Variants in ZC3H12B observed in about 807,000 individuals in gnomAD.
ZC3H12B encodes the protein zinc finger CCCH-type containing 12B.
ZC3H12B carries 7 observed loss-of-function variants against 43.9 expected under a neutral mutation model. The observed-to-expected ratio is 0.16, with a 90% CI of 0.09 to 0.30. The LOEUF is 0.30. ZC3H12B is among the 10% of genes least tolerant of loss of function. ZC3H12B has a pLI of 1.00. For synonymous variants in ZC3H12B, 222 were observed against 241.7 expected, an observed-to-expected ratio of 0.92 and a Z score of 0.76; for missense variants, 475 against 670.2, an observed-to-expected ratio of 0.71 and a Z score of 3.22.
At chrX:65,113,929 G>A in the ZC3H12B span, among the ~76,000 whole-genome samples, 3 of 95,657 alleles carry the variant, frequency 3.1e-5, no homozygotes, top group Non-Finnish European at 4.2e-5. Flanking sequence ...ACTTTATTGC[G>A]ATACTTGCTT....
At chrX:65,191,649 C>A in the ZC3H12B span, among the ~76,000 whole-genome samples, 1 of 9,712 alleles carries the variant, frequency 1.0e-4, no homozygotes, top group African/African-American at 7.3e-4. Context: ...GGTGATATCC[C>A]CTTTATAATT....
the ZC3H12B span, chrX:65,357,009 GT>G: frequency 1.9e-6 from 1 of 538,480 alleles, no homozygotes; most frequent in Non-Finnish European, 3.3e-6. Context: ...AATGGATGTT[GT>G]TACCTGGACC....
the ZC3H12B span, among the ~76,000 whole-genome samples, chrX:65,198,851 C>A: frequency 9.0e-6 from 1 of 111,604 alleles, no homozygotes; most frequent in Admixed American, 9.6e-5. Context: ...CTTTTTGAGA[C>A]AGTTTCACTC....
chrX:65,152,106 C>A, the ZC3H12B span, among the ~76,000 whole-genome samples: 1 of 111,494 alleles, frequency 9.0e-6, no homozygotes, highest in Non-Finnish European at 1.9e-5. Flanking sequence ...CTATCTATGA[C>A]AAACCCACAG....
At chrX:65,230,104 T>G in the ZC3H12B span, among the ~76,000 whole-genome samples, 1 of 111,174 alleles carries the variant, frequency 9.0e-6, no homozygotes, top group Admixed American at 9.6e-5. Flanking sequence ...ATTGCGGCAC[T>G]ATTCACAATA....
chrX:65,436,952 ATTG>A (rs2067229051), intron 3 of ZC3H12B, among the ~76,000 whole-genome samples: 1 of 109,603 alleles, frequency 9.1e-6, no homozygotes, highest in Non-Finnish European at 1.9e-5. Flanking sequence ...TATTATTATT[ATTG>A]TTATTATTAT....
chrX:65,357,111 TG>T, the ZC3H12B span: 6 of 509,245 alleles, frequency 1.2e-5, no homozygotes, highest in Non-Finnish European at 2.2e-5. Flanking sequence ...AAAGGCTTCC[TG>T]AGAGTATATT....
chrX:65,322,233 A>G, the ZC3H12B span, among the ~76,000 whole-genome samples: 1 of 111,406 alleles, frequency 9.0e-6, no homozygotes, highest in Admixed American at 9.6e-5. Flanking sequence ...CACAGGAACT[A>G]ATACAGCAAG....
chrX:65,311,044 T>C, the ZC3H12B span, among the ~76,000 whole-genome samples: 1 of 112,247 alleles, frequency 8.9e-6, no homozygotes, highest in African/African-American at 3.2e-5. Flanking sequence ...GTAAAAACTC[T>C]AGAAGAAAAT....
At chrX:65,197,723 T>G in the ZC3H12B span, among the ~76,000 whole-genome samples, 1 of 112,386 alleles carries the variant, frequency 8.9e-6, no homozygotes, top group African/African-American at 3.2e-5. Context: ...TGTTTACTGA[T>G]GGGTCTGGTA....
chrX:65,192,712 G>A, the ZC3H12B span, among the ~76,000 whole-genome samples: 4 of 111,087 alleles, frequency 3.6e-5, no homozygotes, highest in African/African-American at 9.8e-5. Context: ...TGGTCATGAT[G>A]AATGATATTT....
At chrX:65,436,879 C>T (rs1465320683) in intron 3 of ZC3H12B, among the ~76,000 whole-genome samples, 2 of 111,150 alleles carry the variant, frequency 1.8e-5, no homozygotes, top group Non-Finnish European at 3.8e-5. Flanking sequence ...AAACGTACAA[C>T]AAATGGTTAT....
chrX:65,399,217 A>G (rs766968854), intron 3 of ZC3H12B, among the ~76,000 whole-genome samples: 1 of 112,644 alleles, frequency 8.9e-6, no homozygotes, highest in East Asian at 2.8e-4. Flanking sequence ...CAGCAAAGAA[A>G]ACAATCAACA....
At chrX:65,128,794 T>C in the ZC3H12B span, among the ~76,000 whole-genome samples, 5 of 111,980 alleles carry the variant, frequency 4.5e-5, no homozygotes, top group African/African-American at 1.6e-4. Context: ...TTTTATAATA[T>C]AATTTTCTCC....
the ZC3H12B span, among the ~76,000 whole-genome samples, chrX:65,158,679 G>A: frequency 9.0e-6 from 1 of 111,400 alleles, no homozygotes. Flanking sequence ...TTAGCCCTTT[G>A]TCAGATGAGT....
chrX:65,273,526 T>A, the ZC3H12B span, among the ~76,000 whole-genome samples: 4 of 110,990 alleles, frequency 3.6e-5, no homozygotes, highest in African/African-American at 1.3e-4. Context: ...AGGAGTAAAA[T>A]TTTTATTTAA....
chrX:65,305,183 G>T, the ZC3H12B span, among the ~76,000 whole-genome samples: 1 of 111,113 alleles, frequency 9.0e-6, no homozygotes, highest in Non-Finnish European at 1.9e-5. Flanking sequence ...ATAACCCTAG[G>T]GATTAAGTAC....
chrX:65,341,938 C>A, the ZC3H12B span, among the ~76,000 whole-genome samples: 1 of 111,086 alleles, frequency 9.0e-6, no homozygotes, highest in Non-Finnish European at 1.9e-5. Flanking sequence ...TGTATACAAG[C>A]TAAATTCCCC....
the ZC3H12B span, among the ~76,000 whole-genome samples, chrX:65,263,069 G>T: frequency 7.2e-5 from 8 of 111,009 alleles, no homozygotes; most frequent in African/African-American, 2.6e-4. Context: ...GTTTCACTAA[G>T]CTTTTTTTCT....
Sources: allele counts gnomAD v4.1 joint callset (sites outside exome capture counted in the v4.1 genomes callset), GRCh38; gene constraint gnomAD v4.1.1; transcripts MANE v1.5; gene names NCBI Gene and HGNC (gene_info 2026-07-23, HGNC 2026-07-21).